Variants in RAB7A observed in about 807,000 individuals in gnomAD.
The protein encoded by RAB7A is RAB7A, member RAS oncogene family, also known as ras-related protein Rab-7a.
In RAB7A, 2 loss-of-function variants were observed where a neutral mutation model predicts 24.5. The observed-to-expected ratio is 0.08, with a 90% CI of 0.03 to 0.26. The LOEUF is 0.26. RAB7A is among the 10% of genes least tolerant of loss of function. RAB7A has a pLI of 1.00. For synonymous variants in RAB7A, 100 were observed against 95.9 expected (o/e 1.04, Z -0.25); for missense variants, 118 against 255.7 (o/e 0.46, Z 3.67).
chr3:128,758,713 C>T (rs921315019), intron 1 of RAB7A, among the ~76,000 whole-genome samples: 1 of 152,126 alleles, frequency 6.6e-6, no homozygotes, highest in Non-Finnish European at 1.5e-5. Context: ...TTAGTTTTCT[C>T]ATATATCAGA....
At chr3:128,759,451 C>T (rs1037290193) in intron 1 of RAB7A, among the ~76,000 whole-genome samples, 2 of 152,160 alleles carry the variant, frequency 1.3e-5, no homozygotes, top group Non-Finnish European at 2.9e-5. Context: ...TCTTGTGAGG[C>T]AGGTGGACGT....
At chr3:128,767,992 T>C (rs911691614) in intron 1 of RAB7A, among the ~76,000 whole-genome samples, 1 of 152,312 alleles carries the variant, frequency 6.6e-6, no homozygotes, top group African/African-American at 2.4e-5. Flanking sequence ...TGGTATGTAT[T>C]GTGTGAAACC....
intron 1 of RAB7A, among the ~76,000 whole-genome samples, chr3:128,750,633 T>C (rs930072348): frequency 6.6e-6 from 1 of 152,162 alleles, no homozygotes; most frequent in Non-Finnish European, 1.5e-5. Flanking sequence ...TTCAGTTTTA[T>C]AAGGGAAGCA....
At chr3:128,745,993 T>C (rs892476359) in intron 1 of RAB7A, among the ~76,000 whole-genome samples, 30 of 152,248 alleles carry the variant, frequency 2.0e-4, no homozygotes, top group African/African-American at 7.0e-4. Context: ...TGCCATGCTG[T>C]ATTGTCAGGA....
intron 1 of RAB7A, among the ~76,000 whole-genome samples, chr3:128,734,549 A>G (rs6439144): frequency 1.2e-3 from 182 of 152,018 alleles, no homozygotes; most frequent in African/African-American, 4.3e-3. Flanking sequence ...ATAGTTGCCC[A>G]TAGCTTACTT....
At chr3:128,776,764 G>A (rs1933099191) in intron 1 of RAB7A, among the ~76,000 whole-genome samples, 1 of 152,218 alleles carries the variant, frequency 6.6e-6, no homozygotes, top group East Asian at 1.9e-4. Flanking sequence ...ACTTTCAGCA[G>A]CCTCCATACT....
intron 3 of RAB7A, among the ~76,000 whole-genome samples, chr3:128,803,553 A>AGT (rs1183774809): frequency 6.6e-6 from 1 of 152,182 alleles, no homozygotes. Context: ...TCTGAGTCTG[A>AGT]GTGTATGGCC....
At chr3:128,747,556 A>G (rs996844377) in intron 1 of RAB7A, among the ~76,000 whole-genome samples, 1 of 151,482 alleles carries the variant, frequency 6.6e-6, no homozygotes, top group Non-Finnish European at 1.5e-5. Flanking sequence ...ATTGCACTCC[A>G]GCCTGGGCAA....
At chr3:128,808,310 A>G (rs1490233544) in intron 5 of RAB7A, among the ~76,000 whole-genome samples, 2 of 152,158 alleles carry the variant, frequency 1.3e-5, no homozygotes, top group Non-Finnish European at 2.9e-5. Context: ...CAGTGAGCCA[A>G]GATCGTGCCA....
intron 1 of RAB7A, among the ~76,000 whole-genome samples, chr3:128,778,448 T>C (rs1181220418): frequency 6.6e-6 from 1 of 152,222 alleles, no homozygotes; most frequent in East Asian, 1.9e-4. Context: ...TCCATGTTAA[T>C]TATCACCTCT....
intron 3 of RAB7A, 100 bp from the exon 4 acceptor site, chr3:128,806,272 G>A (rs191303798): frequency 1.9e-6 from 2 of 1,035,856 alleles, no homozygotes; most frequent in East Asian, 5.0e-5. Flanking sequence ...TTTGTGGGTG[G>A]CCCCACAATC....
At chr3:128,728,805 G>A (rs904998039) in intron 1 of RAB7A, among the ~76,000 whole-genome samples, 3 of 152,192 alleles carry the variant, frequency 2.0e-5, no homozygotes, top group Non-Finnish European at 4.4e-5. Context: ...GGTAGTCCAT[G>A]TCACTACTGT....
chr3:128,746,703 TATTTTTTAG>T (rs1479712712), intron 1 of RAB7A, among the ~76,000 whole-genome samples: 5 of 151,812 alleles, frequency 3.3e-5, no homozygotes, highest in Non-Finnish European at 5.9e-5. Context: ...TAATTTTTTG[TATTTTTTAG>T]TAGAGACGGG....
intron 1 of RAB7A, among the ~76,000 whole-genome samples, chr3:128,752,559 C>CA (rs1013589527): frequency 4.6e-5 from 7 of 151,932 alleles, no homozygotes; most frequent in Non-Finnish European, 1.0e-4. Context: ...GTCAGGTCAC[C>CA]AAAAATCAGC....
chr3:128,773,870 T>A (rs1933014845), intron 1 of RAB7A, among the ~76,000 whole-genome samples: 2 of 151,998 alleles, frequency 1.3e-5, no homozygotes, highest in Admixed American at 6.6e-5. Flanking sequence ...GTTAAACAGA[T>A]GCTTGAAGGC....
chr3:128,763,655 T>C (rs958530141), intron 1 of RAB7A, among the ~76,000 whole-genome samples: 1 of 152,266 alleles, frequency 6.6e-6, no homozygotes, highest in East Asian at 1.9e-4. Context: ...TACTTTTCCT[T>C]CCCCTACCCC....
chr3:128,732,131 T>C (rs1390059353), intron 1 of RAB7A, among the ~76,000 whole-genome samples: 2 of 149,142 alleles, frequency 1.3e-5, no homozygotes, highest in African/African-American at 2.5e-5. Context: ...CCTCCGCCTC[T>C]CGGGTTCAAG....
At chr3:128,750,311 G>A (rs1187493206) in intron 1 of RAB7A, among the ~76,000 whole-genome samples, 1 of 152,114 alleles carries the variant, frequency 6.6e-6, no homozygotes. Context: ...GCCCAGGCTG[G>A]AGTGCCATGA....
chr3:128,737,260 C>T (rs1430212643), intron 1 of RAB7A, among the ~76,000 whole-genome samples: 3 of 151,164 alleles, frequency 2.0e-5, no homozygotes, highest in Admixed American at 6.6e-5. Flanking sequence ...AGGATGGTCT[C>T]GATCTCCTGA....
Sources: allele counts gnomAD v4.1 joint callset (sites outside exome capture counted in the v4.1 genomes callset), GRCh38; gene constraint gnomAD v4.1.1; transcripts MANE v1.5; gene names NCBI Gene and HGNC (gene_info 2026-07-23, HGNC 2026-07-21).